DNMT3A: variants seen among roughly 807,000 people sequenced by gnomAD.
DNMT3A encodes the protein DNA methyltransferase 3 alpha.
A neutral mutation model predicts 117.6 loss-of-function variants in DNMT3A; 267 were observed. The ratio of observed to expected loss-of-function variants is 2.27; its 90% CI spans 2.05 to 2.51. The LOEUF (loss-of-function observed/expected upper bound fraction) is 2.51, where lower values mean the gene tolerates loss of function less well. DNMT3A is among the 30% of genes most tolerant of loss of function. The pLI is 0.00. For missense variants in DNMT3A, 1,029 were observed against 1,260.2 expected, an observed-to-expected ratio of 0.82 and a Z score of 2.78; for synonymous variants, 432 against 474.8, an observed-to-expected ratio of 0.91 and a Z score of 1.17.
intron 1 of DNMT3A, among the ~76,000 whole-genome samples, chr2:25,341,231 G>A (rs1176550703): frequency 2.8e-5 from 4 of 144,658 alleles, no homozygotes; most frequent in Non-Finnish European, 4.6e-5. Flanking sequence ...GGGGCGGGGG[G>A]CCGGGTCGTG....
chr2:25,292,801 T>A (rs1026320559), intron 3 of DNMT3A, among the ~76,000 whole-genome samples: 3 of 152,000 alleles, frequency 2.0e-5, no homozygotes, highest in Non-Finnish European at 2.9e-5. Flanking sequence ...GTGGGGATGA[T>A]GAAAGAAAGC....
Position 25,305,812 on chromosome 2 carries a change from C to G in DNMT3A, c.73-5569G>C, listed in dbSNP as rs1234516281. Reference sequence around the variant, plus strand: ...GGCTGGCTGTGCCCAGACACAGGACCCCTCCCCACAAGAGATTTATGTCTC... The same window carrying G: ...GGCTGGCTGTGCCCAGACACAGGACGCCTCCCCACAAGAGATTTATGTCTC... On this transcript the variant is annotated intron_variant, in intron 2 of 22. Coordinates refer to ENST00000321117, the MANE Select transcript of DNMT3A (RefSeq NM_022552.5). This position sits in a 1 kb window ranked among gnomAD's most constrained non-coding sequence, Gnocchi z 4.1. Among the ~76,000 whole-genome samples the G allele has an allele frequency of 6.6e-6, 1 of 152,172 alleles. No individual in the cohort carries two copies. The highest frequency in any genetic ancestry group is 1.5e-5 in the Non-Finnish European group (1 of 68,038).
intron 4 of DNMT3A, among the ~76,000 whole-genome samples, chr2:25,280,311 C>G (rs1165432178): frequency 7.6e-6 from 1 of 130,896 alleles, no homozygotes; most frequent in Non-Finnish European, 1.7e-5. Context: ...CCCCACCCCC[C>G]GCCTCCCCGC....
chr2:25,229,870 C>G lies in DNMT3A; in HGVS notation c.*4409G>C, dbSNP rs534184419. 1 of 152,334 alleles carries G rather than the reference C, an allele frequency of 6.6e-6. No homozygotes were observed. The highest frequency in any genetic ancestry group is 6.5e-5 in the Admixed American group (1 of 15,308). 9.4% of individuals were successfully genotyped at this position (152,334 alleles called of 1,614,324 possible). A position where few individuals can be genotyped will look rare whatever the true frequency, so the allele number is the denominator to read the frequency against. Reference sequence around the variant, plus strand: ...CCCAGATGGCTCTGCTGAAATATTCCTTCTACTGCTGGAGAAGGTGGGTGT... The same window carrying G: ...CCCAGATGGCTCTGCTGAAATATTCGTTCTACTGCTGGAGAAGGTGGGTGT... On this transcript the variant is annotated 3_prime_UTR_variant, in exon 23 of 23. Coordinates refer to ENST00000321117, the MANE Select transcript of DNMT3A (RefSeq NM_022552.5).
At chr2:25,340,435 C>T (rs2035372237) in intron 1 of DNMT3A, among the ~76,000 whole-genome samples, 1 of 152,222 alleles carries the variant, frequency 6.6e-6, no homozygotes, top group South Asian at 2.1e-4. Context: ...TTGGCAGCCC[C>T]AGGGCCGCGG....
intron 13 of DNMT3A, 72 bp downstream of exon 13, chr2:25,245,181 G>A (rs1288708094): frequency 8.3e-6 from 12 of 1,438,466 alleles, no homozygotes; most frequent in East Asian, 4.6e-5. Context: ...GCCCAGAAGC[G>A]GTGGACACAG....
rs1337202058 is a variant in DNMT3A at position 25,232,167 on chromosome 2, T to C, written c.*2112A>G. On this transcript the variant is annotated 3_prime_UTR_variant, in exon 23 of 23. Coordinates refer to ENST00000321117, the MANE Select transcript of DNMT3A (RefSeq NM_022552.5). This position sits in a 1 kb window ranked among gnomAD's most constrained non-coding sequence, Gnocchi z 4.1. ...CCTATCACTGTAGGCCCCATCTTTC[T>C]AGGGACGTGGACTTGGGGCCATGTG... 6.6e-6 allele frequency: 1 copy of C among 152,128 alleles called. No individual in the cohort carries two copies. The highest frequency in any genetic ancestry group is 1.5e-5 in the Non-Finnish European group (1 of 68,010). 9.4% of individuals were successfully genotyped at this position (152,128 alleles called of 1,614,324 possible).
At position 25,243,956 on chromosome 2, in the gene DNMT3A, G is replaced by A. The variant is rs1674394006; in HGVS notation, c.1878C>T (p.Val626=). The change falls in exon 16 of 23, where the codon GTC becomes GTT. Residue 626 remains valine, a synonymous_variant. Transcript: ENST00000321117. ...EFDPPKVYPP[V]PAEKRKPIRV... The stretch of plus-strand genomic sequence containing the variant: ...GGATGGGCTTCCTCTTCTCAGCTGG[G>A]ACAGGTGGGTAAACCTTTGGAGGGT... 1 of 1,553,336 alleles carries A rather than the reference G, an allele frequency of 6.4e-7. No individual in the cohort carries two copies. The highest frequency in any genetic ancestry group is 8.7e-7 in the Non-Finnish European group (1 of 1,147,736).
chr2:25,323,352 G>A (rs1421692648), intron 1 of DNMT3A, among the ~76,000 whole-genome samples: 1 of 152,136 alleles, frequency 6.6e-6, no homozygotes, highest in Non-Finnish European at 1.5e-5. Flanking sequence ...AACTTCCGGG[G>A]ACTGTGAGCT....
At chr2:25,272,800 T>A (rs1400748750) in intron 6 of DNMT3A, among the ~76,000 whole-genome samples, 1 of 148,316 alleles carries the variant, frequency 6.7e-6, no homozygotes, top group Non-Finnish European at 1.5e-5. Flanking sequence ...TTCTGCACTT[T>A]CTCTTTTTTT....
intron 6 of DNMT3A, among the ~76,000 whole-genome samples, chr2:25,263,414 C>G (rs1016525062): frequency 7.2e-5 from 11 of 152,104 alleles, no homozygotes; most frequent in African/African-American, 2.7e-4. Context: ...CTCCACTTGA[C>G]AATGTGTGCC....
chr2:25,338,661 T>A (rs1016435779), intron 1 of DNMT3A, among the ~76,000 whole-genome samples: 7 of 152,158 alleles, frequency 4.6e-5, no homozygotes, highest in Admixed American at 3.3e-4. Context: ...AAGGCCCCTG[T>A]TTCCTGGAGA....
rs1224392046 is a variant in DNMT3A, at chr2:25,247,075, G to A, written c.1098C>T (p.Arg366=). Residue 366 remains arginine, a synonymous_variant, in exon 9 of 23, where the codon CGC becomes CGT. Coordinates refer to ENST00000321117, the MANE Select transcript of DNMT3A (RefSeq NM_022552.5). This position sits in a 1 kb window ranked among gnomAD's most constrained non-coding sequence, Gnocchi z 5.6. ...CCTGCAGGACCTCGTAGATGGCTTTGCGGTACATGGGCTGCTTGTTGTACG... is the reference window on the plus strand; with the variant it reads ...CCTGCAGGACCTCGTAGATGGCTTTACGGTACATGGGCTGCTTGTTGTACG... ...QATYNKQPMY[R]KAIYEVLQVA... 6.2e-7 allele frequency: 1 copy of A among 1,614,148 alleles called. No homozygotes were observed. Among genetic ancestry groups the A allele is most frequent in the Admixed American group, 1.7e-5 (1 of 60,016 alleles).
At chr2:25,272,819 T>TTTTTTTTTTTTTTTTTTTG (rs2031037937) in intron 6 of DNMT3A, among the ~76,000 whole-genome samples, 1 of 150,400 alleles carries the variant, frequency 6.6e-6, no homozygotes, top group African/African-American at 2.4e-5. Flanking sequence ...TTTTTTTTTT[T>TTTTTTTTTTTTTTTTTTTG]GAGACGGAAT....
rs1573292590 is a variant in DNMT3A at position 25,234,523 on chromosome 2, CG to C, written c.2598-104del. 2 of 1,381,438 alleles carry C rather than the reference CG, an allele frequency of 1.4e-6. No homozygotes were observed. The highest frequency in any genetic ancestry group is 2.5e-5 in the East Asian group (1 of 39,368). 85.6% of individuals were successfully genotyped at this position (1,381,438 alleles called of 1,614,324 possible). The stretch of plus-strand genomic sequence containing the variant: ...AGGACCCGGAGGACCAGCAGCCACC[CG>C]AAGTGCAGGGACAGGGGCACTCACA... On this transcript the variant is annotated intron_variant, in intron 22 of 22. Coordinates refer to ENST00000321117, the MANE Select transcript of DNMT3A (RefSeq NM_022552.5). The surrounding 1 kb of genome is among the most constrained non-coding windows in gnomAD (Gnocchi z 4.5).
intron 9 of DNMT3A, 81 bp from the exon 10 acceptor site, chr2:25,246,857 T>C: frequency 6.4e-6 from 10 of 1,570,222 alleles, no homozygotes; most frequent in Non-Finnish European, 8.6e-6. Context: ...AGACTCTGAG[T>C]AGTGAGGGTG....
chr2:25,270,393 G>C (rs544493078), intron 6 of DNMT3A, among the ~76,000 whole-genome samples: 2 of 152,280 alleles, frequency 1.3e-5, no homozygotes, highest in Non-Finnish European at 2.9e-5. Flanking sequence ...AATCCTCTAT[G>C]CCTCTGGTAG....
Position 25,311,578 on chromosome 2 carries a change from C to G in DNMT3A, c.72+2335G>C, listed in dbSNP as rs2034122586. ...TCCTGCTGGGGTGTGAGTGTGCACT[C>G]TATCAGCACCGGGATCTAGGGCTGG... On this transcript the variant is annotated intron_variant, in intron 2 of 22. Coordinates refer to ENST00000321117, the MANE Select transcript of DNMT3A (RefSeq NM_022552.5). This position sits in a 1 kb window ranked among gnomAD's most constrained non-coding sequence, Gnocchi z 5.2. Among the ~76,000 whole-genome samples, 1 of 152,186 alleles carries G rather than the reference C, an allele frequency of 6.6e-6. No homozygotes were observed. Among genetic ancestry groups the G allele is most frequent in the Non-Finnish European group, 1.5e-5 (1 of 68,038 alleles).
intron 4 of DNMT3A, among the ~76,000 whole-genome samples, chr2:25,279,093 A>G (rs952515836): frequency 1.3e-5 from 2 of 152,164 alleles, no homozygotes; most frequent in East Asian, 3.8e-4. Context: ...CCACATCGCC[A>G]CTGCCACCTG....
Sources: allele counts gnomAD v4.1 joint callset (sites outside exome capture counted in the v4.1 genomes callset), GRCh38; gene constraint gnomAD v4.1.1; non-coding constraint Gnocchi (gnomAD v3.1); transcripts MANE v1.5; gene names NCBI Gene and HGNC (gene_info 2026-07-23, HGNC 2026-07-21).